Variants in THSD7A observed in about 807,000 individuals in gnomAD.
The protein encoded by THSD7A is thrombospondin type-1 domain-containing protein 7A.
Under a neutral mutation model 231.3 loss-of-function variants are expected in THSD7A, and 96 were observed. That is an observed-to-expected ratio of 0.41 (90% CI 0.35 to 0.49). The LOEUF is 0.49. Ranked by LOEUF, THSD7A falls within the 20% of genes least tolerant of loss-of-function variation. The pLI, the probability that THSD7A is intolerant of heterozygous loss-of-function variation, is 0.05. For missense variants in THSD7A, 2,290 were observed against 2,070.2 expected, an observed-to-expected ratio of 1.11 and a Z score of -2.06; for synonymous variants, 940 against 743.3, an observed-to-expected ratio of 1.26 and a Z score of -4.30.
chr7:11,610,772 A>T (rs1780895944), intron 2 of THSD7A, among the ~76,000 whole-genome samples: 1 of 152,176 alleles, frequency 6.6e-6, no homozygotes, highest in African/African-American at 2.4e-5. Flanking sequence ...GAAAAATGAA[A>T]ACTCATTACA....
At chr7:11,686,696 C>G (rs973460774) in intron 1 of THSD7A, among the ~76,000 whole-genome samples, 2 of 151,824 alleles carry the variant, frequency 1.3e-5, no homozygotes, top group African/African-American at 4.8e-5. Context: ...ATGAATGCAG[C>G]TGGAGGCCAT....
intron 1 of THSD7A, among the ~76,000 whole-genome samples, chr7:11,706,336 T>C (rs1562491042): frequency 6.6e-6 from 1 of 150,894 alleles, no homozygotes; most frequent in Non-Finnish European, 1.5e-5. Context: ...TTCATTCACA[T>C]GCAAATGACT....
chr7:11,442,819 A>G (rs919778822), intron 13 of THSD7A, among the ~76,000 whole-genome samples: 3 of 152,074 alleles, frequency 2.0e-5, no homozygotes, highest in African/African-American at 7.2e-5. Flanking sequence ...CATGCAGAAG[A>G]ACTAAACTAG....
At chr7:11,728,760 C>G (rs926301086) in intron 1 of THSD7A, among the ~76,000 whole-genome samples, 1 of 151,766 alleles carries the variant, frequency 6.6e-6, no homozygotes, top group Non-Finnish European at 1.5e-5. Flanking sequence ...CCAGTATCAA[C>G]TTGTATACTA....
intron 23 of THSD7A, among the ~76,000 whole-genome samples, chr7:11,398,958 G>A (rs891585045): frequency 6.6e-6 from 1 of 152,162 alleles, no homozygotes; most frequent in Non-Finnish European, 1.5e-5. Context: ...CTCACATCCC[G>A]TTGTTTACTA....
At chr7:11,594,300 T>C (rs1424667642) in intron 2 of THSD7A, among the ~76,000 whole-genome samples, 1 of 152,148 alleles carries the variant, frequency 6.6e-6, no homozygotes, top group Non-Finnish European at 1.5e-5. Context: ...CATATATCTA[T>C]CCTATCAGTT....
At chr7:11,496,286 T>G (rs888645842) in intron 6 of THSD7A, among the ~76,000 whole-genome samples, 1 of 152,218 alleles carries the variant, frequency 6.6e-6, no homozygotes, top group Non-Finnish European at 1.5e-5. Flanking sequence ...TGTCCCCAAC[T>G]TTATACTATG....
intron 2 of THSD7A, among the ~76,000 whole-genome samples, chr7:11,621,721 T>G (rs914547185): frequency 6.6e-6 from 1 of 152,134 alleles, no homozygotes; most frequent in Non-Finnish European, 1.5e-5. Context: ...ATATAAATTA[T>G]TAATAATTAA....
At chr7:11,718,116 T>G (rs867074272) in intron 1 of THSD7A, among the ~76,000 whole-genome samples, 2 of 151,702 alleles carry the variant, frequency 1.3e-5, no homozygotes, top group East Asian at 3.9e-4. Context: ...CACCAGTTTG[T>G]AGAGAGCATG....
At chr7:11,512,407 C>T (rs1787850721) in intron 6 of THSD7A, among the ~76,000 whole-genome samples, 1 of 152,090 alleles carries the variant, frequency 6.6e-6, no homozygotes, top group African/African-American at 2.4e-5. Flanking sequence ...ACTAGAAATA[C>T]CATTTGACCC....
chr7:11,567,766 G>T (rs1422582040), intron 4 of THSD7A, among the ~76,000 whole-genome samples: 2 of 152,108 alleles, frequency 1.3e-5, no homozygotes, highest in South Asian at 2.1e-4. Flanking sequence ...CTCAACTTGG[G>T]ATTCACCACA....
Position 11,375,686 on chromosome 7 carries a change from A to G in THSD7A, c.*108T>C. ...CTTGTCTTTATGATGCCATTTTTAA[A>G]AATTAAAATATATTTTAATCCACAC... On this transcript the variant is annotated 3_prime_UTR_variant, in exon 28 of 28. Coordinates refer to ENST00000423059, the MANE Select transcript of THSD7A (RefSeq NM_015204.3). The G allele has an allele frequency of 1.1e-6, 1 of 924,040 alleles. No homozygotes were observed. The highest frequency in any genetic ancestry group is 1.6e-5 in the South Asian group (1 of 60,802). The allele number at this position is 924,040 out of a possible 1,614,324, so 57.2% of individuals were successfully genotyped here. A position where few individuals can be genotyped will look rare whatever the true frequency, so the allele number is the denominator to read the frequency against.
chr7:11,688,281 G>C (rs1402435137), intron 1 of THSD7A, among the ~76,000 whole-genome samples: 2 of 151,760 alleles, frequency 1.3e-5, no homozygotes, highest in South Asian at 4.2e-4. Flanking sequence ...GTATATATGT[G>C]CCACATTCTA....
In THSD7A at chr7:11,628,360, G is replaced by T. The variant is rs1230673922; in HGVS notation, c.1022+7770C>A. ...TACAGAAACAGTATTTTTCCACACG[G>T]AACAATTACTGCTGCAATTCTCAGT... On this transcript the variant is annotated intron_variant, in intron 2 of 27. Coordinates refer to ENST00000423059, the MANE Select transcript of THSD7A (RefSeq NM_015204.3). Among the ~76,000 whole-genome samples the T allele has an allele frequency of 6.6e-5, 10 of 152,182 alleles. No homozygotes were observed. The East Asian group carries it at 1.9e-3, about 29-fold the overall frequency.
At chr7:11,777,144 A>G (rs1783434269) in intron 1 of THSD7A, among the ~76,000 whole-genome samples, 3 of 152,228 alleles carry the variant, frequency 2.0e-5, no homozygotes, top group Admixed American at 2.0e-4. Context: ...TAAATTGCTC[A>G]GCTCAATTTC....
At chr7:11,395,880 T>C (rs546690225) in intron 23 of THSD7A, among the ~76,000 whole-genome samples, 51 of 152,180 alleles carry the variant, frequency 3.4e-4, no homozygotes, top group African/African-American at 1.0e-3. Flanking sequence ...ATTGACCACA[T>C]AGTTGGAGGT....
chr7:11,610,102 TA>T (rs1267925164), intron 2 of THSD7A, among the ~76,000 whole-genome samples: 1 of 152,156 alleles, frequency 6.6e-6, no homozygotes, highest in East Asian at 1.9e-4. Context: ...TAAGAAAATA[TA>T]AATATTTTAA....
chr7:11,477,945 C>A (rs1317547179), intron 7 of THSD7A, among the ~76,000 whole-genome samples: 1 of 152,106 alleles, frequency 6.6e-6, no homozygotes, highest in Non-Finnish European at 1.5e-5. Context: ...CTATATTTAT[C>A]TTTACAAATT....
chr7:11,454,034 C>G (rs1383757535), intron 11 of THSD7A, among the ~76,000 whole-genome samples: 1 of 151,946 alleles, frequency 6.6e-6, no homozygotes, highest in Non-Finnish European at 1.5e-5. Context: ...GGTTACAGTT[C>G]TATTCAAAGT....
Sources: gnomAD v4.1 joint callset for allele counts (sites outside exome capture counted in the v4.1 genomes callset) on GRCh38, gnomAD v4.1.1 for gene constraint, MANE v1.5 for transcripts, NCBI Gene and HGNC (gene_info 2026-07-23, HGNC 2026-07-21) for gene names.